PAPPA2: variants seen among roughly 807,000 people sequenced by gnomAD.
The protein encoded by PAPPA2 is pappalysin-2.
PAPPA2 carries 86 observed loss-of-function variants against 176.4 expected under a neutral mutation model. The observed-to-expected ratio is 0.49, with a 90% confidence interval of 0.41 to 0.58. PAPPA2 has a LOEUF of 0.58. Ranked by LOEUF, PAPPA2 falls within the 20% of genes least tolerant of loss-of-function variation. The probability of loss-of-function intolerance (pLI) is 0.00; values close to 1 mark genes in which losing one functional copy is unlikely to be tolerated. For missense variants in PAPPA2, 2,073 were observed against 2,256.9 expected, an observed-to-expected ratio of 0.92 and a Z score of 1.65; for synonymous variants, 809 against 852.2, an observed-to-expected ratio of 0.95 and a Z score of 0.88.
At chr1:176,669,829 G>T (rs867037) in intron 3 of PAPPA2, among the ~76,000 whole-genome samples, 26,528 of 152,042 alleles carry the variant, frequency 0.17, 2,466 homozygotes, top group Middle Eastern at 0.23. Flanking sequence ...CAATCAGGAG[G>T]CAGAGCAAGC....
chr1:176,635,063 A>G (rs1656617662), intron 3 of PAPPA2, among the ~76,000 whole-genome samples: 1 of 152,124 alleles, frequency 6.6e-6, no homozygotes, highest in Non-Finnish European at 1.5e-5. Context: ...GGAAATAACT[A>G]CATGTTAGAA....
At chr1:176,787,095 GT>G (rs1557871157) in intron 17 of PAPPA2, among the ~76,000 whole-genome samples, 3 of 152,122 alleles carry the variant, frequency 2.0e-5, no homozygotes. Context: ...GAAAAAAAAA[GT>G]GCTGTTTGGA....
chr1:176,515,416 C>G (rs886848321), intron 1 of PAPPA2, among the ~76,000 whole-genome samples: 1 of 152,098 alleles, frequency 6.6e-6, no homozygotes, highest in African/African-American at 2.4e-5. Flanking sequence ...ATGATCTCAT[C>G]CAGGAGGATT....
intron 1 of PAPPA2, among the ~76,000 whole-genome samples, chr1:176,489,405 T>G (rs1652795944): frequency 6.6e-6 from 1 of 152,176 alleles, no homozygotes; most frequent in Non-Finnish European, 1.5e-5. Context: ...AAATACCCTT[T>G]ATGAATACTT....
Position 176,485,458 on chromosome 1 carries a change from C to A in PAPPA2, c.-917+22040C>A, listed in dbSNP as rs181854659. 4.6e-5 allele frequency among the ~76,000 whole-genome samples: 7 copies of A among 152,168 alleles called. No individual in the cohort carries two copies. The East Asian group carries it at 1.4e-3, about 29-fold the overall frequency. On this transcript the variant is annotated intron_variant, in intron 1 of 22. Coordinates refer to ENST00000367662, the MANE Select transcript of PAPPA2 (RefSeq NM_020318.3). ...CCTAGAAGCCACATGATTCACTCTCCCACTCTTTCAATTATTTGCTTGTAT... is the reference window on the plus strand; with the variant it reads ...CCTAGAAGCCACATGATTCACTCTCACACTCTTTCAATTATTTGCTTGTAT...
intron 2 of PAPPA2, among the ~76,000 whole-genome samples, chr1:176,567,676 C>T (rs570920320): frequency 1.4e-4 from 22 of 152,160 alleles, no homozygotes; most frequent in African/African-American, 3.6e-4. Context: ...AAACTGTAAA[C>T]GGATTATTAA....
intron 12 of PAPPA2, among the ~76,000 whole-genome samples, chr1:176,731,669 A>C (rs1662151340): frequency 6.6e-6 from 1 of 151,484 alleles, no homozygotes; most frequent in South Asian, 2.1e-4. Flanking sequence ...GTGTGTGTAC[A>C]TATATGTGTA....
At chr1:176,518,453 A>G (rs1454523743) in intron 1 of PAPPA2, among the ~76,000 whole-genome samples, 2 of 69,972 alleles carry the variant, frequency 2.9e-5, no homozygotes, top group Admixed American at 2.5e-4. Flanking sequence ...CTTGACAGGT[A>G]AAAAAAAAAA....
chr1:176,578,742 C>G (rs550249170), intron 2 of PAPPA2, among the ~76,000 whole-genome samples: 1 of 152,090 alleles, frequency 6.6e-6, no homozygotes, highest in African/African-American at 2.4e-5. Flanking sequence ...GAGAGAGATA[C>G]GTATTGATAA....
intron 1 of PAPPA2, among the ~76,000 whole-genome samples, chr1:176,541,545 C>T (rs1037580651): frequency 6.6e-6 from 1 of 152,178 alleles, no homozygotes; most frequent in Non-Finnish European, 1.5e-5. Context: ...CATAGATATT[C>T]CTCTAGTGCA....
At chr1:176,782,700 G>A (rs754702717) in intron 17 of PAPPA2, among the ~76,000 whole-genome samples, 12 of 152,130 alleles carry the variant, frequency 7.9e-5, no homozygotes, top group Non-Finnish European at 1.6e-4. Context: ...CAGAACACAC[G>A]GGACCTCGTA....
chr1:176,594,679 T>TA lies in PAPPA2; in HGVS notation c.1076dup (p.Tyr359Ter). The change falls in exon 3 of 23, where the codon TAC (tyrosine) becomes TAAC (stop). Residue 359 changes from tyrosine (Y) to a stop codon, truncating the protein, a stop_gained and frameshift_variant. Transcript: ENST00000367662. LOFTEE classifies it high-confidence loss of function. The part of the protein sequence containing the change: ...KATILISHSR[Y>*]QPGTWTHVAA... The stretch of plus-strand genomic sequence containing the variant: ...CACCATCTTGATTAGCCACAGTCGC[T>TA]ACCAACCAGGCACATGGACCCATGT... 6.2e-7 allele frequency: 1 copy of TA among 1,614,228 alleles called. No individual in the cohort carries two copies. Among genetic ancestry groups the TA allele is most frequent in the Non-Finnish European group, 8.5e-7 (1 of 1,180,042 alleles).
intron 2 of PAPPA2, among the ~76,000 whole-genome samples, chr1:176,565,626 G>A (rs1651926141): frequency 6.6e-6 from 1 of 152,150 alleles, no homozygotes; most frequent in African/African-American, 2.4e-5. Context: ...GCCTGGTGAG[G>A]TCGAGTCTGC....
chr1:176,539,707 T>G (rs1376985988), intron 1 of PAPPA2, among the ~76,000 whole-genome samples: 1 of 152,134 alleles, frequency 6.6e-6, no homozygotes, highest in Non-Finnish European at 1.5e-5. Context: ...GCTACCCCAA[T>G]AAAACACTCT....
intron 2 of PAPPA2, among the ~76,000 whole-genome samples, chr1:176,567,346 GT>G (rs1652049791): frequency 6.6e-6 from 1 of 152,176 alleles, no homozygotes; most frequent in South Asian, 2.1e-4. Flanking sequence ...ATGGCAACTG[GT>G]TGGGCTATCA....
chr1:176,740,241 C>T, intron 14 of PAPPA2, 45 bp downstream of exon 14: 2 of 1,550,008 alleles, frequency 1.3e-6, no homozygotes, highest in Non-Finnish European at 1.8e-6. Context: ...TCTTGTGGCT[C>T]TAATGATTGG....
intron 17 of PAPPA2, among the ~76,000 whole-genome samples, chr1:176,788,001 A>G (rs2102934197): frequency 6.6e-6 from 1 of 152,292 alleles, no homozygotes; most frequent in Middle Eastern, 3.4e-3. Flanking sequence ...CAGAGGTTGC[A>G]GCGAGCCGAG....
chr1:176,623,609 TCCTTCCTTCC>T (rs1573145204), intron 3 of PAPPA2, among the ~76,000 whole-genome samples: 175 of 137,506 alleles, frequency 1.3e-3, no homozygotes, highest in East Asian at 1.8e-3. Context: ...CTTCCTTCCT[TCCTTCCTTCC>T]TTCCTTTTTT....
At chr1:176,748,075 A>G (rs1174622874) in intron 14 of PAPPA2, among the ~76,000 whole-genome samples, 3 of 152,204 alleles carry the variant, frequency 2.0e-5, no homozygotes, top group Admixed American at 6.5e-5. Context: ...TTTGTATTCA[A>G]TTGATTAGAA....
Sources: gnomAD v4.1 joint callset for allele counts (sites outside exome capture counted in the v4.1 genomes callset) on GRCh38, gnomAD v4.1.1 for gene constraint, MANE v1.5 for transcripts, NCBI Gene and HGNC (gene_info 2026-07-23, HGNC 2026-07-21) for gene names.